The following CAMK1D variants were observed in gnomAD, a reference collection of about 807,000 sequenced individuals.
CAMK1D encodes the protein calcium/calmodulin-dependent protein kinase type 1D.
CAMK1D carries 9 observed loss-of-function variants against 47.7 expected under a neutral mutation model. The ratio of observed to expected loss-of-function variants is 0.19; its 90% CI spans 0.11 to 0.33. The LOEUF (loss-of-function observed/expected upper bound fraction) is 0.33. Ranked by LOEUF, CAMK1D falls within the 10% of genes least tolerant of loss-of-function variation. The pLI is 1.00. For synonymous variants in CAMK1D, 184 were observed against 184.9 expected (o/e 0.99, Z 0.04); for missense variants, 291 against 488.7 (o/e 0.60, Z 3.81).
intron 1 of CAMK1D, among the ~76,000 whole-genome samples, chr10:12,536,463 G>A (rs1278413007): frequency 6.6e-6 from 1 of 152,120 alleles, no homozygotes; most frequent in Non-Finnish European, 1.5e-5. Flanking sequence ...ATTTTTAGTA[G>A]AGATGGGGTT....
At chr10:12,459,644 G>A (rs902935142) in intron 1 of CAMK1D, among the ~76,000 whole-genome samples, 1 of 152,182 alleles carries the variant, frequency 6.6e-6, no homozygotes, top group African/African-American at 2.4e-5. Flanking sequence ...TTTGTCTTGT[G>A]TTTATTTATT....
intron 1 of CAMK1D, among the ~76,000 whole-genome samples, chr10:12,378,449 C>T (rs893687651): frequency 2.0e-5 from 3 of 150,660 alleles, no homozygotes; most frequent in South Asian, 2.1e-4. Context: ...AATGGGGTCT[C>T]GCTCTATTGC....
chr10:12,397,966 T>C (rs1839022672), intron 1 of CAMK1D, among the ~76,000 whole-genome samples: 1 of 152,180 alleles, frequency 6.6e-6, no homozygotes, highest in Non-Finnish European at 1.5e-5. Flanking sequence ...TAAAATAATT[T>C]TGTAAAGCCG....
chr10:12,355,208 C>T (rs919537497), intron 1 of CAMK1D, among the ~76,000 whole-genome samples: 2 of 152,120 alleles, frequency 1.3e-5, no homozygotes, highest in Non-Finnish European at 2.9e-5. Flanking sequence ...ACCCTGATCT[C>T]ACTTTGTGTC....
intron 2 of CAMK1D, among the ~76,000 whole-genome samples, chr10:12,580,389 C>A (rs900572534): frequency 7.8e-6 from 1 of 128,558 alleles, no homozygotes. Context: ...CTGGAGCCTG[C>A]TGTTTCTCAC....
intron 1 of CAMK1D, among the ~76,000 whole-genome samples, chr10:12,408,849 T>G (rs1839546776): frequency 2.9e-5 from 1 of 34,666 alleles, no homozygotes; most frequent in South Asian, 1.0e-3. Context: ...TCTTTCTTTC[T>G]TTTTTTTTTT....
At chr10:12,407,822 C>T (rs1333764197) in intron 1 of CAMK1D, among the ~76,000 whole-genome samples, 2 of 151,128 alleles carry the variant, frequency 1.3e-5, no homozygotes, top group Admixed American at 1.3e-4. Flanking sequence ...AAAACAAATT[C>T]CTCCTCAAGG....
intron 1 of CAMK1D, among the ~76,000 whole-genome samples, chr10:12,403,990 A>G (rs1163748792): frequency 6.6e-6 from 1 of 151,250 alleles, no homozygotes; most frequent in Non-Finnish European, 1.5e-5. Flanking sequence ...TTGGAAAAAA[A>G]AAAAAGAAAA....
At chr10:12,698,652 A>G (rs1833389295) in intron 3 of CAMK1D, among the ~76,000 whole-genome samples, 1 of 150,870 alleles carries the variant, frequency 6.6e-6, no homozygotes, top group African/African-American at 2.4e-5. Context: ...TTAGCTGAAG[A>G]AAAATGATGC....
At chr10:12,590,524 C>T (rs977423766) in intron 2 of CAMK1D, among the ~76,000 whole-genome samples, 7 of 152,046 alleles carry the variant, frequency 4.6e-5, no homozygotes, top group Admixed American at 3.3e-4. Flanking sequence ...CTTTGCCTGG[C>T]CCTGGGTCTC....
At chr10:12,777,197 G>T (rs1388637715) in intron 5 of CAMK1D, among the ~76,000 whole-genome samples, 1 of 152,066 alleles carries the variant, frequency 6.6e-6, no homozygotes. Flanking sequence ...GGACAAGCTG[G>T]ATCCCGCAGA....
At chr10:12,738,344 G>A (rs1047845995) in intron 3 of CAMK1D, among the ~76,000 whole-genome samples, 6 of 152,246 alleles carry the variant, frequency 3.9e-5, no homozygotes, top group Admixed American at 6.5e-5. Context: ...AAAATAAAGC[G>A]AATGGATTCT....
intron 2 of CAMK1D, among the ~76,000 whole-genome samples, chr10:12,563,357 A>T (rs1564414126): frequency 6.6e-6 from 1 of 152,140 alleles, no homozygotes; most frequent in Non-Finnish European, 1.5e-5. Flanking sequence ...CTGTCTCTAA[A>T]AAAAAAGGGA....
chr10:12,647,145 C>CTTTT lies in CAMK1D; in HGVS notation c.225-19572_225-19569dup, dbSNP rs397693477. Among the ~76,000 whole-genome samples, 309 of 76,802 alleles carry CTTTT rather than the reference C, an allele frequency of 4.0e-3. 6 individuals carry two copies. The highest frequency in any genetic ancestry group is 0.013 in the African/African-American group (283 of 22,186). The allele number at this position is 76,802 out of a possible 152,430, so 50.4% of individuals were successfully genotyped here. On this transcript the variant is annotated intron_variant, in intron 2 of 10. Transcript: ENST00000619168. Reference sequence around the variant, plus strand: ...CGTGAGCCTCCTTGCCCAGGCTAGCCTTTTTTTTTTTTTTTTTTTTTTGAA... The same window carrying CTTTT: ...CGTGAGCCTCCTTGCCCAGGCTAGCCTTTTTTTTTTTTTTTTTTTTTTTTTTGAA...
intron 2 of CAMK1D, among the ~76,000 whole-genome samples, chr10:12,616,526 TG>T (rs1838823417): frequency 1.3e-5 from 2 of 152,080 alleles, no homozygotes; most frequent in Non-Finnish European, 2.9e-5. Context: ...TTGTTGTTGT[TG>T]TTGTTTTTGA....
At chr10:12,553,656 G>A (rs1027841360) in intron 2 of CAMK1D, among the ~76,000 whole-genome samples, 1 of 152,180 alleles carries the variant, frequency 6.6e-6, no homozygotes, top group African/African-American at 2.4e-5. Flanking sequence ...CGGCTACAGA[G>A]CCCTGAGTCT....
intron 1 of CAMK1D, among the ~76,000 whole-genome samples, chr10:12,547,929 T>C (rs1836449041): frequency 6.6e-6 from 1 of 152,198 alleles, no homozygotes; most frequent in Non-Finnish European, 1.5e-5. Context: ...GGCTAAATGA[T>C]AAAGCAGCTG....
chr10:12,757,139 AT>A (rs58809558), intron 3 of CAMK1D, among the ~76,000 whole-genome samples: 38,287 of 150,908 alleles, frequency 0.25, 5,011 homozygotes, highest in African/African-American at 0.32. Flanking sequence ...CATTCACTTT[AT>A]TTTTTTTTGA....
At chr10:12,670,411 A>G (rs959361847) in intron 3 of CAMK1D, among the ~76,000 whole-genome samples, 1 of 151,876 alleles carries the variant, frequency 6.6e-6, no homozygotes, top group African/African-American at 2.4e-5. Context: ...TATATAGTCC[A>G]TACTTTGTCA....
Sources: allele counts gnomAD v4.1 joint callset (sites outside exome capture counted in the v4.1 genomes callset), GRCh38; gene constraint gnomAD v4.1.1; transcripts MANE v1.5; gene names NCBI Gene and HGNC (gene_info 2026-07-23, HGNC 2026-07-21).